The following SPATA16 variants were observed in gnomAD, a reference collection of about 807,000 sequenced individuals.
The protein encoded by SPATA16 is spermatogenesis-associated protein 16.
Under a neutral mutation model 63.3 loss-of-function variants are expected in SPATA16, and 36 were observed. The observed-to-expected ratio is 0.57, with a 90% confidence interval of 0.44 to 0.75. The LOEUF (loss-of-function observed/expected upper bound fraction) is 0.75. Ranked by LOEUF, SPATA16 falls within the 30% of genes least tolerant of loss-of-function variation. The probability of loss-of-function intolerance (pLI) is 0.00; values close to 1 mark genes in which losing one functional copy is unlikely to be tolerated. For missense variants in SPATA16, 646 were observed against 679.3 expected, an observed-to-expected ratio of 0.95 and a Z score of 0.54; for synonymous variants, 203 against 216.7, an observed-to-expected ratio of 0.94 and a Z score of 0.56.
intron 6 of SPATA16, among the ~76,000 whole-genome samples, chr3:172,949,561 C>T (rs190089288): frequency 1.9e-4 from 29 of 152,218 alleles, no homozygotes; most frequent in Non-Finnish European, 3.8e-4. Context: ...TAGATGGCAG[C>T]ACCTAATGAT....
chr3:173,080,890 G>T (rs1362793973), intron 2 of SPATA16, among the ~76,000 whole-genome samples: 1 of 152,128 alleles, frequency 6.6e-6, no homozygotes, highest in Non-Finnish European at 1.5e-5. Context: ...GTCCTGAATT[G>T]TTGGAGAAGA....
intron 3 of SPATA16, among the ~76,000 whole-genome samples, chr3:173,028,173 C>T (rs1577138995): frequency 6.6e-6 from 1 of 151,162 alleles, no homozygotes; most frequent in Non-Finnish European, 1.5e-5. Context: ...GTGATTGTTT[C>T]ATCCTCCCGA....
intron 2 of SPATA16, among the ~76,000 whole-genome samples, chr3:173,115,055 C>G (rs369378398): frequency 4.7e-4 from 72 of 151,684 alleles, no homozygotes; most frequent in African/African-American, 1.7e-3. Context: ...TTCCTTAGAA[C>G]CCTGGGAGAG....
intron 2 of SPATA16, among the ~76,000 whole-genome samples, chr3:173,106,765 A>G (rs930915949): frequency 6.6e-6 from 1 of 151,982 alleles, no homozygotes; most frequent in Non-Finnish European, 1.5e-5. Flanking sequence ...CCTTCTAGTA[A>G]TGTTTCACAC....
intron 2 of SPATA16, among the ~76,000 whole-genome samples, chr3:173,078,211 G>T (rs1182132602): frequency 3.3e-5 from 5 of 152,020 alleles, no homozygotes; most frequent in Non-Finnish European, 1.5e-5. Context: ...ACTGAGCTTG[G>T]ATTTAAACTC....
intron 2 of SPATA16, among the ~76,000 whole-genome samples, chr3:173,080,004 C>T (rs1048792537): frequency 6.6e-6 from 1 of 151,998 alleles, no homozygotes; most frequent in Non-Finnish European, 1.5e-5. Context: ...AATTGTTCAG[C>T]ATAAATATGC....
At chr3:172,961,077 C>T (rs58889714) in intron 5 of SPATA16, among the ~76,000 whole-genome samples, 50,359 of 97,108 alleles carry the variant, frequency 0.52, 12,005 homozygotes, top group Middle Eastern at 0.56. Flanking sequence ...TTTCTTCCTT[C>T]CTTCCTTCCT....
At chr3:173,092,994 A>T (rs75642424) in intron 2 of SPATA16, among the ~76,000 whole-genome samples, 14,650 of 151,460 alleles carry the variant, frequency 0.097, 881 homozygotes, top group East Asian at 0.23. Context: ...CACTTTCCAC[A>T]AATTGCAATT....
chr3:172,962,680 G>A (rs991226740), intron 5 of SPATA16, among the ~76,000 whole-genome samples: 1 of 152,066 alleles, frequency 6.6e-6, no homozygotes, highest in Non-Finnish European at 1.5e-5. Context: ...ACTAGTGATT[G>A]AATATTACAG....
At chr3:173,031,408 G>T (rs1276851999) in intron 3 of SPATA16, among the ~76,000 whole-genome samples, 1 of 150,168 alleles carries the variant, frequency 6.7e-6, no homozygotes, top group Non-Finnish European at 1.5e-5. Context: ...AATGAAAAGA[G>T]GGTCGCATAG....
chr3:172,918,468 A>T (rs80247479), intron 8 of SPATA16, among the ~76,000 whole-genome samples: 2,935 of 152,228 alleles, frequency 0.019, 30 homozygotes, highest in Middle Eastern at 0.058. Flanking sequence ...GTTGACTGCT[A>T]ATAGTCACCC....
At chr3:172,913,553 A>T (rs919843050) in intron 10 of SPATA16, 108 bp downstream of exon 10, 78 of 1,109,836 alleles carry the variant, frequency 7.0e-5, no homozygotes, top group Non-Finnish European at 9.7e-5. Context: ...AAAACAAAAA[A>T]ACAAACCAAA....
In SPATA16 at chr3:172,957,410, T is replaced by C. The variant is rs555101708; in HGVS notation, c.934-586A>G. On this transcript the variant is annotated intron_variant, in intron 5 of 10. Coordinates refer to ENST00000351008, the MANE Select transcript of SPATA16 (RefSeq NM_031955.6). ...AGGTGGCTTTGGCTATTTAAGAATT[T>C]CTTTACATTATTTTTGCTCATGTAC... is the stretch of plus-strand genomic sequence containing the variant. Among the ~76,000 whole-genome samples the C allele has an allele frequency of 6.6e-5, 10 of 152,316 alleles. No homozygotes were observed. The South Asian group carries it at 1.9e-3, about 28-fold the overall frequency.
chr3:172,948,020 A>G (rs111820082), intron 6 of SPATA16, among the ~76,000 whole-genome samples: 13,224 of 152,100 alleles, frequency 0.087, 1,910 homozygotes, highest in African/African-American at 0.3. Context: ...TATAAGAGTT[A>G]TTGGCTTTAA....
At chr3:173,101,052 G>C (rs190907968) in intron 2 of SPATA16, among the ~76,000 whole-genome samples, 376 of 152,248 alleles carry the variant, frequency 2.5e-3, no homozygotes, top group African/African-American at 8.6e-3. Flanking sequence ...AGAGGTGTGA[G>C]TAACTAAAGG....
At position 172,956,696 on chromosome 3, in the gene SPATA16, A is replaced by G. The variant is rs1475987257; in HGVS notation, c.1062T>C (p.Tyr354=). 3 of 1,612,274 alleles carry G rather than the reference A, an allele frequency of 1.9e-6. No individual in the cohort carries two copies. Among genetic ancestry groups the G allele is most frequent in the East Asian group, 2.2e-5 (1 of 44,778 alleles). The change falls in exon 6 of 11, where the codon TAT becomes TAC. Residue 354 remains tyrosine (Y), a synonymous_variant. Coordinates refer to ENST00000351008, the MANE Select transcript of SPATA16 (RefSeq NM_031955.6). ...TCTTACCTGTGTACATATACTCTGC[A>G]TATGCAGGATGAGTTTTTGTGAAAG... ...KDAFTKTHPA[Y]AEYMYTDLQA...
rs1414051522 is a variant in SPATA16 at position 172,913,666 on chromosome 3, G to A, written c.1582C>T (p.Gln528Ter). The A allele has an allele frequency of 6.2e-7, 1 of 1,613,230 alleles. No homozygotes were observed. Among genetic ancestry groups the A allele is most frequent in the East Asian group, 2.2e-5 (1 of 44,840 alleles). Reference protein sequence around the residue: ...NNNERVWNMIQKVGQIEDFLY... With the variant: ...NNNERVWNMI ...CCTTCAGCTCAAAGTTTTACCTTTTGGATCATATTCCACACACGTTCATTA... is the reference window on the plus strand; with the variant it reads ...CCTTCAGCTCAAAGTTTTACCTTTTAGATCATATTCCACACACGTTCATTA... The change falls in exon 10 of 11, where the codon CAA becomes TAA. Residue 528 changes from glutamine (Q) to a stop codon, truncating the protein, a stop_gained. Transcript: ENST00000351008. LOFTEE classifies it high-confidence loss of function.
At chr3:173,019,643 G>T in intron 3 of SPATA16, 68 bp from the exon 4 acceptor site, 1 of 1,406,950 alleles carries the variant, frequency 7.1e-7, no homozygotes, top group Non-Finnish European at 1.0e-6. Context: ...AAGTGCAATG[G>T]AATGAAATCA....
intron 5 of SPATA16, among the ~76,000 whole-genome samples, chr3:172,974,108 G>A (rs937749225): frequency 6.6e-6 from 1 of 152,104 alleles, no homozygotes; most frequent in Non-Finnish European, 1.5e-5. Flanking sequence ...AAAGGTTCTT[G>A]AGTTCACCAA....
Sources: gnomAD v4.1 joint callset for allele counts (sites outside exome capture counted in the v4.1 genomes callset) on GRCh38, gnomAD v4.1.1 for gene constraint, MANE v1.5 for transcripts, NCBI Gene and HGNC (gene_info 2026-07-23, HGNC 2026-07-21) for gene names.